DISP1: variants seen among roughly 807,000 people sequenced by gnomAD.
DISP1 encodes the protein protein dispatched homolog 1.
In DISP1, 30 loss-of-function variants were observed where a neutral mutation model predicts 37.3. The observed-to-expected ratio is 0.80, with a 90% CI of 0.60 to 1.09. DISP1 has a LOEUF of 1.09. Among genes scored for constraint, DISP1 ranks in the 50% least tolerant of loss-of-function variants. The pLI is 0.00. For synonymous variants in DISP1, 634 were observed against 690.2 expected (o/e 0.92, Z 1.28); for missense variants, 1,598 against 1,879.5 (o/e 0.85, Z 2.77).
chr1:222,890,645 A>G (rs999940304), intron 1 of DISP1, among the ~76,000 whole-genome samples: 24 of 152,164 alleles, frequency 1.6e-4, no homozygotes, highest in African/African-American at 5.5e-4. Context: ...GGCTGCCATA[A>G]CAAGTATGAC....
At chr1:222,859,415 G>T (rs1053092187) in intron 1 of DISP1, among the ~76,000 whole-genome samples, 1 of 152,158 alleles carries the variant, frequency 6.6e-6, no homozygotes, top group East Asian at 1.9e-4. Flanking sequence ...GTTGATAGGT[G>T]CAACAAACCA....
At chr1:222,902,863 C>G (rs1369710076) in intron 1 of DISP1, among the ~76,000 whole-genome samples, 252 of 151,070 alleles carry the variant, frequency 1.7e-3, no homozygotes, top group African/African-American at 6.0e-3. Context: ...GGACTGTAAA[C>G]TAGTTCAACC....
At chr1:222,843,846 A>G (rs1365425372) in intron 1 of DISP1, among the ~76,000 whole-genome samples, 1 of 152,118 alleles carries the variant, frequency 6.6e-6, no homozygotes, top group Non-Finnish European at 1.5e-5. Context: ...TCCACAGGAG[A>G]GTCAGCATTA....
Position 222,860,999 on chromosome 1 carries a change from A to T in DISP1, c.-159+45921A>T, listed in dbSNP as rs545593575. On this transcript the variant is annotated intron_variant, in intron 1 of 8. Coordinates refer to ENST00000675850, the MANE Select transcript of DISP1 (RefSeq NM_001377229.1). The stretch of plus-strand genomic sequence containing the variant: ...TTAAAACTAAATGAATTGTTTTGAT[A>T]AAAATAGAAATTTATTTAATGGCAC... Among the ~76,000 whole-genome samples, 94 of 152,350 alleles carry T rather than the reference A, an allele frequency of 6.2e-4. 3 individuals carry two copies. In the South Asian group the frequency reaches 0.019, roughly 31 times the overall value.
intron 1 of DISP1, among the ~76,000 whole-genome samples, chr1:222,910,940 T>C (rs1170946391): frequency 6.6e-6 from 1 of 152,220 alleles, no homozygotes. Flanking sequence ...GGAATCCTTC[T>C]AGTAGGCACT....
chr1:222,892,373 T>C (rs1207956805), intron 1 of DISP1, among the ~76,000 whole-genome samples: 1 of 152,206 alleles, frequency 6.6e-6, no homozygotes, highest in Non-Finnish European at 1.5e-5. Context: ...CCCTGACTAC[T>C]GCTAATGGTG....
intron 1 of DISP1, among the ~76,000 whole-genome samples, chr1:222,912,495 A>G (rs1308183392): frequency 6.6e-6 from 1 of 152,030 alleles, no homozygotes; most frequent in Non-Finnish European, 1.5e-5. Context: ...TATGTCATAC[A>G]TTTATCACCT....
intron 1 of DISP1, chr1:222,824,047 C>T (rs1372401790): frequency 6.6e-6 from 1 of 151,780 alleles, no homozygotes; most frequent in Non-Finnish European, 1.5e-5. Flanking sequence ...ATATTATATG[C>T]CTTAGTTGCA....
chr1:222,824,758 A>T (rs1201012592), intron 1 of DISP1, among the ~76,000 whole-genome samples: 3 of 152,158 alleles, frequency 2.0e-5, no homozygotes, highest in Non-Finnish European at 2.9e-5. Flanking sequence ...GGCTATTCAC[A>T]TAAAAATTCA....
At chr1:222,887,093 GA>G (rs1670639532) in intron 1 of DISP1, among the ~76,000 whole-genome samples, 1 of 152,144 alleles carries the variant, frequency 6.6e-6, no homozygotes, top group African/African-American at 2.4e-5. Context: ...TCGAATGGGG[GA>G]AAAATAATCA....
Position 222,819,889 on chromosome 1 carries a change from T to A in DISP1, c.-159+4811T>A, listed in dbSNP as rs544206714. On this transcript the variant is annotated intron_variant, in intron 1 of 8. Coordinates refer to ENST00000675850, the MANE Select transcript of DISP1 (RefSeq NM_001377229.1). ...ATTTAAGGTGTTTAAAATTTTTTTT[T>A]AATTTTGTAACTATATTTTTAAAGT... 3.2e-4 allele frequency among the ~76,000 whole-genome samples: 49 copies of A among 152,254 alleles called. 1 individual carries two copies. Among genetic ancestry groups the A allele is most frequent in the African/African-American group, 1.1e-3 (47 of 41,544 alleles).
intron 3 of DISP1, among the ~76,000 whole-genome samples, chr1:222,966,466 GTCAC>G (rs1014737513): frequency 1.3e-4 from 20 of 152,238 alleles, no homozygotes; most frequent in African/African-American, 3.9e-4. Flanking sequence ...TCATCTAGGA[GTCAC>G]TCATTAATAG....
At chr1:222,918,344 G>A (rs1245438873) in intron 1 of DISP1, among the ~76,000 whole-genome samples, 1 of 152,182 alleles carries the variant, frequency 6.6e-6, no homozygotes, top group Non-Finnish European at 1.5e-5. Context: ...GGATACATGG[G>A]ATTAATTTTG....
intron 1 of DISP1, among the ~76,000 whole-genome samples, chr1:222,874,666 T>G (rs1384160037): frequency 6.6e-6 from 1 of 152,168 alleles, no homozygotes; most frequent in Non-Finnish European, 1.5e-5. Context: ...TCGTCTAATT[T>G]TTTTTCAAAG....
rs540146444 is a variant in DISP1 at position 222,903,755 on chromosome 1, C to G, written c.-158-24675C>G. On this transcript the variant is annotated intron_variant, in intron 1 of 8. Transcript: ENST00000675850. ...ATGGTATCATAGATATTTGACATTG[C>G]CTTCCAAGTACACCAAAGATTACTA... is the stretch of plus-strand genomic sequence containing the variant. Among the ~76,000 whole-genome samples the G allele has an allele frequency of 2.0e-5, 3 of 152,202 alleles. No individual in the cohort carries two copies. The South Asian group carries it at 6.2e-4, about 32-fold the overall frequency.
intron 2 of DISP1, among the ~76,000 whole-genome samples, chr1:222,941,287 T>C (rs1228266582): frequency 6.6e-6 from 1 of 152,174 alleles, no homozygotes; most frequent in East Asian, 1.9e-4. Context: ...CTGGGAACAT[T>C]GGAAAGTGAT....
chr1:222,943,493 T>G, intron 3 of DISP1, 161 bp downstream of exon 3: 1 of 912,522 alleles, frequency 1.1e-6, no homozygotes, highest in East Asian at 2.6e-5. Flanking sequence ...AAAACGCAAA[T>G]AAAATAATAC....
chr1:222,936,203 A>G (rs1673712576), intron 2 of DISP1, among the ~76,000 whole-genome samples: 1 of 152,190 alleles, frequency 6.6e-6, no homozygotes, highest in African/African-American at 2.4e-5. Context: ...CATGCCATAT[A>G]GCCTAGCTGT....
At chr1:222,959,344 A>G (rs1675855729) in intron 3 of DISP1, among the ~76,000 whole-genome samples, 1 of 152,146 alleles carries the variant, frequency 6.6e-6, no homozygotes, top group Non-Finnish European at 1.5e-5. Context: ...CCTGAAAACA[A>G]CCCAAGGAAT....
Sources: allele counts gnomAD v4.1 joint callset (sites outside exome capture counted in the v4.1 genomes callset), GRCh38; gene constraint gnomAD v4.1.1; transcripts MANE v1.5; gene names NCBI Gene and HGNC (gene_info 2026-07-23, HGNC 2026-07-21).